Variants in EXOC6B observed in about 807,000 individuals in gnomAD.
The protein encoded by EXOC6B is SEC15 homolog B.
In EXOC6B, 54 loss-of-function variants were observed where a neutral mutation model predicts 113.5. That is an observed-to-expected ratio of 0.48 (90% CI 0.38 to 0.60). The LOEUF is 0.60. EXOC6B is among the 20% of genes least tolerant of loss of function. The pLI, the probability that EXOC6B is intolerant of heterozygous loss-of-function variation, is 0.00. For synonymous variants in EXOC6B, 357 were observed against 339.0 expected (o/e 1.05, Z -0.58); for missense variants, 797 against 977.5 (o/e 0.82, Z 2.46).
chr2:72,276,038 G>T (rs913735409), intron 20 of EXOC6B, among the ~76,000 whole-genome samples: 1 of 152,150 alleles, frequency 6.6e-6, no homozygotes, highest in Admixed American at 6.6e-5. Context: ...GGGGGATGGA[G>T]AAGGAAGAGA....
At chr2:72,537,132 T>C (rs1702338703) in intron 8 of EXOC6B, among the ~76,000 whole-genome samples, 2 of 152,084 alleles carry the variant, frequency 1.3e-5, no homozygotes. Flanking sequence ...TTTTCCCTCA[T>C]CCTAAGACTT....
chr2:72,281,319 G>T (rs1685113990), intron 20 of EXOC6B, among the ~76,000 whole-genome samples: 1 of 152,126 alleles, frequency 6.6e-6, no homozygotes, highest in Non-Finnish European at 1.5e-5. Flanking sequence ...TAATGGCTGG[G>T]ATTCAGTAAA....
chr2:72,701,400 A>T (rs972118780), intron 6 of EXOC6B, among the ~76,000 whole-genome samples: 2 of 151,984 alleles, frequency 1.3e-5, no homozygotes, highest in African/African-American at 4.8e-5. Flanking sequence ...GATTTCAAAG[A>T]TAAATTGTAT....
At chr2:72,386,560 C>T (rs966195495) in intron 18 of EXOC6B, among the ~76,000 whole-genome samples, 9 of 152,316 alleles carry the variant, frequency 5.9e-5, no homozygotes, top group Non-Finnish European at 1.0e-4. Context: ...TTCCCTGCAT[C>T]CTAGCTGCTC....
At chr2:72,521,990 C>T (rs1701514382) in intron 8 of EXOC6B, among the ~76,000 whole-genome samples, 2 of 152,176 alleles carry the variant, frequency 1.3e-5, no homozygotes, top group African/African-American at 4.8e-5. Context: ...GCCACTGCAC[C>T]CGGCCAGTTT....
intron 18 of EXOC6B, among the ~76,000 whole-genome samples, chr2:72,401,528 T>TATAC (rs1693194524): frequency 1.0e-4 from 2 of 19,824 alleles, no homozygotes; most frequent in Non-Finnish European, 1.5e-4. Context: ...TATATACATA[T>TATAC]ATATATATAT....
intron 7 of EXOC6B, among the ~76,000 whole-genome samples, chr2:72,570,992 C>G (rs563766014): frequency 1.3e-5 from 2 of 152,186 alleles, no homozygotes; most frequent in African/African-American, 4.8e-5. Flanking sequence ...ATCCTCACAA[C>G]AAGCCTATTC....
chr2:72,556,706 A>G, intron 8 of EXOC6B, among the ~76,000 whole-genome samples: 1 of 152,156 alleles, frequency 6.6e-6, no homozygotes, highest in East Asian at 1.9e-4. Flanking sequence ...TATTAAATGT[A>G]GTATAAAGTA....
intron 1 of EXOC6B, among the ~76,000 whole-genome samples, chr2:72,773,283 T>G (rs1228105903): frequency 2.0e-5 from 3 of 151,552 alleles, no homozygotes; most frequent in Non-Finnish European, 2.9e-5. Context: ...TAAGCCACCA[T>G]GCCCAGCTAA....
chr2:72,548,683 C>G (rs1339885842), intron 8 of EXOC6B, among the ~76,000 whole-genome samples: 1 of 152,106 alleles, frequency 6.6e-6, no homozygotes, highest in Non-Finnish European at 1.5e-5. Flanking sequence ...CTGATTATTA[C>G]ATACTACTAA....
intron 11 of EXOC6B, among the ~76,000 whole-genome samples, chr2:72,509,371 C>A (rs2105648067): frequency 6.6e-6 from 1 of 152,256 alleles, no homozygotes; most frequent in Middle Eastern, 3.4e-3. Flanking sequence ...AGTAGATTAT[C>A]ACAATGATGT....
At chr2:72,522,339 T>C (rs1222013471) in intron 8 of EXOC6B, among the ~76,000 whole-genome samples, 2 of 152,196 alleles carry the variant, frequency 1.3e-5, no homozygotes, top group African/African-American at 4.8e-5. Context: ...GCCATTGCTG[T>C]TCCCGAAGTC....
At chr2:72,236,144 C>T (rs146875518) in intron 20 of EXOC6B, among the ~76,000 whole-genome samples, 35 of 152,144 alleles carry the variant, frequency 2.3e-4, no homozygotes, top group African/African-American at 8.2e-4. Context: ...TGAGAAGGTT[C>T]CTCTCCTTAC....
rs183892997 is a variant in EXOC6B at position 72,709,056 on chromosome 2, T to A, written c.669+9047A>T. ...CCAAGTACAGCTTATAATTAAAATT[T>A]AAAAAAAAAAACTACTTTAGGGTTA... On this transcript the variant is annotated intron_variant, in intron 6 of 21. Coordinates refer to ENST00000272427, the MANE Select transcript of EXOC6B (RefSeq NM_015189.3). Among the ~76,000 whole-genome samples the A allele has an allele frequency of 8.3e-3, 1,208 of 145,676 alleles. 9 individuals are homozygous for A. Among genetic ancestry groups the A allele is most frequent in the Middle Eastern group, 0.021 (6 of 286 alleles).
chr2:72,427,154 C>T (rs553555908), intron 18 of EXOC6B, among the ~76,000 whole-genome samples: 8 of 152,322 alleles, frequency 5.3e-5, no homozygotes, highest in Middle Eastern at 3.4e-3. Context: ...TGGAGCCAGC[C>T]GCCCCGTGGC....
intron 18 of EXOC6B, among the ~76,000 whole-genome samples, chr2:72,413,511 A>C (rs1187543842): frequency 3.3e-5 from 5 of 150,690 alleles, no homozygotes; most frequent in Admixed American, 2.6e-4. Context: ...GGTGAAACCC[A>C]ATCTCTACTA....
At chr2:72,688,815 A>G (rs1386228338) in intron 6 of EXOC6B, among the ~76,000 whole-genome samples, 4 of 152,228 alleles carry the variant, frequency 2.6e-5, no homozygotes, top group Non-Finnish European at 5.9e-5. Flanking sequence ...GTGTTTAAGA[A>G]AGCTAATACC....
At chr2:72,811,219 G>A (rs924825949) in intron 1 of EXOC6B, among the ~76,000 whole-genome samples, 66 of 152,158 alleles carry the variant, frequency 4.3e-4, no homozygotes, top group African/African-American at 1.5e-3. Flanking sequence ...GCTAACACAT[G>A]AGAATCTCTT....
chr2:72,601,608 C>A (rs1558834102), intron 6 of EXOC6B, among the ~76,000 whole-genome samples: 1 of 152,088 alleles, frequency 6.6e-6, no homozygotes, highest in Non-Finnish European at 1.5e-5. Flanking sequence ...TTTCAAAGAA[C>A]AAAACTAAAT....
Sources: allele counts gnomAD v4.1 joint callset (sites outside exome capture counted in the v4.1 genomes callset), GRCh38; gene constraint gnomAD v4.1.1; transcripts MANE v1.5; gene names NCBI Gene and HGNC (gene_info 2026-07-23, HGNC 2026-07-21).